FAM13A: variants seen among roughly 807,000 people sequenced by gnomAD.
FAM13A encodes the protein protein FAM13A.
Under a neutral mutation model 129.6 loss-of-function variants are expected in FAM13A, and 76 were observed. That is an observed-to-expected ratio of 0.59 (90% CI 0.49 to 0.71). The LOEUF (loss-of-function observed/expected upper bound fraction) is 0.71. Ranked by LOEUF, FAM13A falls within the 30% of genes least tolerant of loss-of-function variation. The pLI is 0.00. For synonymous variants in FAM13A, 443 were observed against 449.9 expected, an observed-to-expected ratio of 0.98 and a Z score of 0.20; for missense variants, 1,108 against 1,249.3, an observed-to-expected ratio of 0.89 and a Z score of 1.70.
intron 7 of FAM13A, among the ~76,000 whole-genome samples, chr4:88,839,362 A>G (rs1735405155): frequency 6.6e-6 from 1 of 152,216 alleles, no homozygotes. Flanking sequence ...GCACACATCT[A>G]TTTATTCATT....
At chr4:88,966,653 G>A (rs56215012) in intron 4 of FAM13A, among the ~76,000 whole-genome samples, 249 of 152,134 alleles carry the variant, frequency 1.6e-3, no homozygotes, top group African/African-American at 5.7e-3. Flanking sequence ...AGTTACAATG[G>A]TCATTATTTT....
At chr4:88,987,767 G>A (rs553828836) in intron 4 of FAM13A, among the ~76,000 whole-genome samples, 6 of 143,048 alleles carry the variant, frequency 4.2e-5, no homozygotes, top group African/African-American at 1.0e-4. Flanking sequence ...GCGTGAACCC[G>A]GGAGGCGGAG....
chr4:88,999,993 G>A (rs922911135), intron 3 of FAM13A, among the ~76,000 whole-genome samples: 1 of 151,944 alleles, frequency 6.6e-6, no homozygotes, highest in Non-Finnish European at 1.5e-5. Context: ...CAACATAAAA[G>A]CATTACTAAA....
chr4:88,999,052 G>A (rs912981038), intron 3 of FAM13A, among the ~76,000 whole-genome samples: 4 of 152,110 alleles, frequency 2.6e-5, no homozygotes, highest in Admixed American at 2.6e-4. Context: ...TCTGCAAAAT[G>A]CAGAGGTATG....
In FAM13A at chr4:88,930,028, C is replaced by T. The variant is rs150827668; in HGVS notation, c.759+8060G>A. On this transcript the variant is annotated intron_variant, in intron 5 of 23. Coordinates refer to ENST00000264344, the MANE Select transcript of FAM13A (RefSeq NM_014883.4). ...TGCTGGGATTATACAGGTAAGCCAC[C>T]GAGCTCATTTTTTTTTTAAGATATC... Among the ~76,000 whole-genome samples, 95 of 151,560 alleles carry T rather than the reference C, an allele frequency of 6.3e-4. 2 individuals are homozygous for T. The highest frequency in any genetic ancestry group is 1.8e-3 in the African/African-American group (76 of 41,472).
At chr4:88,784,183 T>C (rs1007349572) in intron 10 of FAM13A, among the ~76,000 whole-genome samples, 1 of 152,214 alleles carries the variant, frequency 6.6e-6, no homozygotes, top group African/African-American at 2.4e-5. Flanking sequence ...TGCTTTTACG[T>C]GCATCCACGT....
intron 6 of FAM13A, among the ~76,000 whole-genome samples, chr4:88,879,436 C>T (rs1354559087): frequency 6.6e-6 from 1 of 152,072 alleles, no homozygotes; most frequent in Admixed American, 6.5e-5. Flanking sequence ...GTATTATATG[C>T]ACAATCTTGG....
At chr4:89,051,763 T>C (rs528209229) in intron 1 of FAM13A, among the ~76,000 whole-genome samples, 1 of 152,084 alleles carries the variant, frequency 6.6e-6, no homozygotes, top group African/African-American at 2.4e-5. Context: ...GAAAGGGAAA[T>C]AGAAAAGAAG....
intron 23 of FAM13A, among the ~76,000 whole-genome samples, chr4:88,731,098 T>C (rs1737646679): frequency 1.3e-5 from 2 of 152,188 alleles, no homozygotes; most frequent in African/African-American, 2.4e-5. Flanking sequence ...TCTGCATTAG[T>C]CTTGGGCATT....
intron 4 of FAM13A, among the ~76,000 whole-genome samples, chr4:88,978,935 T>C (rs1304783885): frequency 6.6e-6 from 1 of 152,124 alleles, no homozygotes; most frequent in Non-Finnish European, 1.5e-5. Context: ...GTTTCAAAAA[T>C]AAATCATAAG....
At chr4:88,959,148 G>T (rs1017013221) in intron 4 of FAM13A, among the ~76,000 whole-genome samples, 3 of 152,184 alleles carry the variant, frequency 2.0e-5, no homozygotes, top group Non-Finnish European at 2.9e-5. Flanking sequence ...TGTCTCAGAT[G>T]AGATTTTGGA....
At chr4:88,857,205 G>A (rs116615764) in intron 6 of FAM13A, among the ~76,000 whole-genome samples, 1 of 152,076 alleles carries the variant, frequency 6.6e-6, no homozygotes, top group South Asian at 2.1e-4. Flanking sequence ...ATGTTAAACA[G>A]TTATAACTAA....
chr4:89,020,463 G>A lies in FAM13A; in HGVS notation c.424C>T (p.Gln142Ter), dbSNP rs773059594. The A allele has an allele frequency of 6.2e-7, 1 of 1,612,088 alleles. No individual in the cohort carries two copies. The highest frequency in any genetic ancestry group is 8.5e-7 in the Non-Finnish European group (1 of 1,178,262). Reference sequence around the variant, plus strand: ...TAAAAGGATTTATTGTACTAACCCTGAAAGAGTTGAATGAATCGAGGCTGC... The same window carrying A: ...TAAAAGGATTTATTGTACTAACCCTAAAAGAGTTGAATGAATCGAGGCTGC... The part of the protein sequence containing the change: ...ALQPRFIQLF[Q>*]DGRNDVQESS... The change falls in exon 3 of 24, where the codon CAG (glutamine) becomes TAG (stop). Residue 142 changes from glutamine (Q) to a stop codon, truncating the protein, a stop_gained. Transcript: ENST00000264344. LOFTEE classifies it high-confidence loss of function.
intron 6 of FAM13A, among the ~76,000 whole-genome samples, chr4:88,864,101 A>C (rs1234608966): frequency 1.3e-5 from 2 of 152,244 alleles, no homozygotes; most frequent in Non-Finnish European, 2.9e-5. Flanking sequence ...GCAATATATT[A>C]GAATCTAGAT....
At chr4:89,006,864 CT>C (rs1765110937) in intron 3 of FAM13A, among the ~76,000 whole-genome samples, 1 of 152,188 alleles carries the variant, frequency 6.6e-6, no homozygotes, top group African/African-American at 2.4e-5. Flanking sequence ...GGGCTCCCTT[CT>C]GAAGTTAAGC....
intron 7 of FAM13A, among the ~76,000 whole-genome samples, chr4:88,822,559 A>G (rs114361640): frequency 0.014 from 2,062 of 152,296 alleles, 69 homozygotes; most frequent in Admixed American, 0.068. Context: ...GAACTCCAGA[A>G]GAGAAGAATC....
intron 4 of FAM13A, among the ~76,000 whole-genome samples, chr4:88,941,847 G>C (rs1325001864): frequency 6.6e-6 from 1 of 152,202 alleles, no homozygotes; most frequent in Non-Finnish European, 1.5e-5. Flanking sequence ...TTGGTTTGCA[G>C]TGACTGAAGA....
chr4:88,789,676 G>A (rs137916321), intron 9 of FAM13A, among the ~76,000 whole-genome samples: 26 of 152,254 alleles, frequency 1.7e-4, no homozygotes, highest in South Asian at 2.1e-4. Flanking sequence ...TTACATTCCC[G>A]TAGGGCAAGA....
chr4:88,798,734 G>T (rs1235723752), intron 8 of FAM13A, among the ~76,000 whole-genome samples: 3 of 152,122 alleles, frequency 2.0e-5, no homozygotes, highest in Non-Finnish European at 4.4e-5. Flanking sequence ...ATCATCATTG[G>T]ATATTAAATA....
Sources: allele counts gnomAD v4.1 joint callset (sites outside exome capture counted in the v4.1 genomes callset), GRCh38; gene constraint gnomAD v4.1.1; transcripts MANE v1.5; gene names NCBI Gene and HGNC (gene_info 2026-07-23, HGNC 2026-07-21).